Variants in ZNF318 observed in about 807,000 individuals in gnomAD.
ZNF318 encodes the protein zinc finger protein 318, also known as endocrine regulator.
ZNF318 carries 51 observed loss-of-function variants against 124.2 expected under a neutral mutation model. The observed-to-expected ratio is 0.41, with a 90% CI of 0.33 to 0.52. The LOEUF (loss-of-function observed/expected upper bound fraction) is 0.52, where lower values mean the gene tolerates loss of function less well. ZNF318 is among the 20% of genes least tolerant of loss of function. ZNF318 has a pLI of 0.23. For missense variants in ZNF318, 2,815 were observed against 2,811.2 expected (o/e 1.00, Z -0.03); for synonymous variants, 1,090 against 1,040.7 (o/e 1.05, Z -0.91).
chr6:43,337,301 G>C lies in ZNF318; in HGVS notation c.6697C>G (p.Leu2233Val), dbSNP rs750819810. ...GACACTGGAGCTTTAACCAAATTCA[G>C]AGGGTCGCCACTGTCATCATCTACT... ...LQVDDDSGDPLNLVKAPVSRS... is the reference protein window; with the variant it reads ...LQVDDDSGDPVNLVKAPVSRS... The change falls in exon 10 of 10, where the codon CTG becomes GTG. Residue 2233 changes from leucine to valine, a missense_variant. Around this residue, in one of 4 missense-constraint regions of ZNF318, gnomAD observed 927 missense variants for 820.6 expected, o/e 1.13. Transcript: ENST00000361428. 2 of 1,614,120 alleles carry C rather than the reference G, an allele frequency of 1.2e-6. No homozygotes were observed. Among genetic ancestry groups the C allele is most frequent in the Non-Finnish European group, 8.5e-7 (1 of 1,180,008 alleles).
chr6:43,368,781 G>A (rs1779794470), intron 1 of ZNF318, 186 bp downstream of exon 1: 2 of 985,328 alleles, frequency 2.0e-6, no homozygotes, highest in East Asian at 1.1e-4. Flanking sequence ...GTGCGCTCCC[G>A]AGTCCGTTAT....
At chr6:43,345,245 C>A (rs1390579159) in intron 6 of ZNF318, among the ~76,000 whole-genome samples, 1,568 of 121,656 alleles carry the variant, frequency 0.013, no homozygotes, top group Non-Finnish European at 0.014. Context: ...GACCCTGTCT[C>A]AAAAAAAAAA....
rs147972979 is a variant in ZNF318, at chr6:43,337,827, G to A, written c.6171C>T (p.Ser2057=). 135 of 1,614,056 alleles carry A rather than the reference G, an allele frequency of 8.4e-5. No homozygotes were observed. In the South Asian group the frequency reaches 1.1e-3, roughly 13 times the overall value. The change falls in exon 10 of 10, where the codon TCC becomes TCT. Residue 2057 remains serine, a synonymous_variant. Transcript: ENST00000361428. ...GGATTGGTTCGAAGTCAGCGGGATC[G>A]GAGGAATTACACCCTATAGGTGATA... ...NSVSPIGCNS[S]DPADFEPIPS...
At chr6:43,367,061 A>G (rs1779771913) in intron 1 of ZNF318, among the ~76,000 whole-genome samples, 1 of 152,182 alleles carries the variant, frequency 6.6e-6, no homozygotes, top group South Asian at 2.1e-4. Context: ...CGTGTTAGCC[A>G]ACATGGTCTC....
At chr6:43,351,438 A>C (rs959106643) in intron 5 of ZNF318, among the ~76,000 whole-genome samples, 1 of 152,162 alleles carries the variant, frequency 6.6e-6, no homozygotes, top group Admixed American at 6.6e-5. Flanking sequence ...TTAGGAGTAA[A>C]GGAACATCAC....
In ZNF318 at chr6:43,339,967, G is replaced by A. The variant is rs1340577088; in HGVS notation, c.4031C>T (p.Thr1344Ile). Reference sequence around the variant, plus strand: ...CAGGTTGGGTCGGATCTTAGTCTGTGTGGAAGTTGTCACAACAGGCATCCA... The same window carrying A: ...CAGGTTGGGTCGGATCTTAGTCTGTATGGAAGTTGTCACAACAGGCATCCA... ...SPWMPVVTTS[T>I]QTKIRPNLPI... Residue 1344 changes from threonine (T) to isoleucine (I), a missense_variant, in exon 10 of 10, where the codon ACA becomes ATA. Physicochemically the swap from Thr to Ile is moderately conservative, Grantham distance 89. Coordinates refer to ENST00000361428, the MANE Select transcript of ZNF318 (RefSeq NM_014345.3). This position sits in a 1 kb window ranked among gnomAD's most constrained non-coding sequence, Gnocchi z 4.2. 8.7e-6 allele frequency: 14 copies of A among 1,614,084 alleles called. No homozygotes were observed. Among genetic ancestry groups the A allele is most frequent in the Non-Finnish European group, 1.1e-5 (13 of 1,180,042 alleles).
chr6:43,337,621 G>T lies in ZNF318; in HGVS notation c.6377C>A (p.Ala2126Asp). The part of the protein sequence containing the change: ...GLGGLEGTHQ[A>D]LDLLAGGMMP... The stretch of plus-strand genomic sequence containing the variant: ...CATTCCTCCTGCTAACAGGTCAAGG[G>T]CCTGGTGTGTTCCCTCTAGGCCCCC... Residue 2126 changes from alanine to aspartate, a missense_variant, in exon 10 of 10, where the codon GCC (alanine) becomes GAC (aspartate). By Grantham distance (126) the Ala-to-Asp change is moderately radical. Coordinates refer to ENST00000361428, the MANE Select transcript of ZNF318 (RefSeq NM_014345.3). The T allele has an allele frequency of 6.2e-7, 1 of 1,614,104 alleles. No homozygotes were observed. The highest frequency in any genetic ancestry group is 8.5e-7 in the Non-Finnish European group (1 of 1,180,016).
At chr6:43,353,322 A>G (rs1779559365) in intron 4 of ZNF318, among the ~76,000 whole-genome samples, 1 of 152,096 alleles carries the variant, frequency 6.6e-6, no homozygotes, top group African/African-American at 2.4e-5. Context: ...TAATTGGCTA[A>G]AACTTTTTAA....
intron 4 of ZNF318, 82 bp downstream of exon 4, chr6:43,354,582 T>A: frequency 7.5e-7 from 1 of 1,340,626 alleles, no homozygotes; most frequent in Non-Finnish European, 1.0e-6. Context: ...CCTTACAAAT[T>A]TTCAGCCCCT....
chr6:43,339,895 C>T lies in ZNF318; in HGVS notation c.4103G>A (p.Ser1368Asn). The T allele has an allele frequency of 6.2e-7, 1 of 1,614,154 alleles. No homozygotes were observed. Among genetic ancestry groups the T allele is most frequent in the African/African-American group, 1.3e-5 (1 of 75,038 alleles). The part of the protein sequence containing the change: ...VLRKSCSATM[S>N]KPAPLNTFLS... ...AAAGGTGTTAAGAGGAGCTGGCTTGCTCATTGTGGCTGAACATGACTTGCG... is the reference window on the plus strand; with the variant it reads ...AAAGGTGTTAAGAGGAGCTGGCTTGTTCATTGTGGCTGAACATGACTTGCG... The change falls in exon 10 of 10, where the codon AGC becomes AAC. Residue 1368 changes from serine to asparagine, a missense_variant. Transcript: ENST00000361428. This position sits in a 1 kb window ranked among gnomAD's most constrained non-coding sequence, Gnocchi z 4.2.
At position 43,369,211 on chromosome 6, in the gene ZNF318, G is replaced by T; in HGVS notation, c.155C>A (p.Thr52Asn). 8.2e-7 allele frequency: 1 copy of T among 1,214,008 alleles called. No homozygotes were observed. The highest frequency in any genetic ancestry group is 1.0e-6 in the Non-Finnish European group (1 of 977,720). 75.2% of individuals were successfully genotyped at this position (1,214,008 alleles called of 1,614,324 possible). Residue 52 changes from threonine (T) to asparagine (N), a missense_variant, in exon 1 of 10, where the codon ACC becomes AAC. Coordinates refer to ENST00000361428, the MANE Select transcript of ZNF318 (RefSeq NM_014345.3). ...PPPPSGSSSR[T>N]PARRPRSPSG... Reference sequence around the variant, plus strand: ...GGGCGAGCGGGGTCGGCGAGCCGGGGTCCGCGACGAGGAGCCGGAGGGCGG... The same window carrying T: ...GGGCGAGCGGGGTCGGCGAGCCGGGTTCCGCGACGAGGAGCCGGAGGGCGG...
intron 5 of ZNF318, among the ~76,000 whole-genome samples, chr6:43,350,285 C>T (rs1189265528): frequency 6.6e-6 from 1 of 151,998 alleles, no homozygotes; most frequent in Admixed American, 6.6e-5. Flanking sequence ...AAAGAAAGTA[C>T]TCAAAAACGA....
chr6:43,338,453 T>C lies in ZNF318; in HGVS notation c.5545A>G (p.Ser1849Gly), dbSNP rs1779321323. 1 of 1,614,138 alleles carries C rather than the reference T, an allele frequency of 6.2e-7. No individual in the cohort carries two copies. Among genetic ancestry groups the C allele is most frequent in the Non-Finnish European group, 8.5e-7 (1 of 1,180,056 alleles). Residue 1849 changes from serine to glycine, a missense_variant, in exon 10 of 10, where the codon AGT (serine) becomes GGT (glycine). Transcript: ENST00000361428. The stretch of plus-strand genomic sequence containing the variant: ...GGACTCAATTTGATCACTACTTTAC[T>C]TGGAGTTTCACTTCCTGTCATCAAT... ...NKLMTGSETP[S>G]KVVIKLSPQA... is the part of the protein sequence containing the mutation.
chr6:43,365,236 C>T, intron 2 of ZNF318, 56 bp downstream of exon 2: 1 of 1,556,004 alleles, frequency 6.4e-7, no homozygotes, highest in East Asian at 2.3e-5. Context: ...CGGAAAACAG[C>T]AACATTTCTG....
chr6:43,337,107 TG>T lies in ZNF318; in HGVS notation c.*50del. On this transcript the variant is annotated 3_prime_UTR_variant, in exon 10 of 10. Transcript: ENST00000361428. ...ACTAGTCTTGGATCATCTGGGCATCTGATTTCTAGAAGCCAATGATTCACTC... is the reference window on the plus strand; with the variant it reads ...ACTAGTCTTGGATCATCTGGGCATCTATTTCTAGAAGCCAATGATTCACTC... The T allele has an allele frequency of 6.7e-7, 1 of 1,482,848 alleles. No individual in the cohort carries two copies. The highest frequency in any genetic ancestry group is 9.0e-7 in the Non-Finnish European group (1 of 1,111,320). The allele number at this position is 1,482,848 out of a possible 1,614,324, so 91.9% of individuals were successfully genotyped here.
rs1308818429 is a variant in ZNF318, at chr6:43,369,050, AGCCGGCCGG to A, written c.307_315del (p.Pro103_Gly105del). ...GACTCCCCCCGGCTGCTGCCTCTGA[AGCCGGCCGG>A]GCCCGGCGGGAAGAGTCGTCGGCCC... On this transcript the variant is annotated inframe_deletion, in exon 1 of 10. Coordinates refer to ENST00000361428, the MANE Select transcript of ZNF318 (RefSeq NM_014345.3). The A allele has an allele frequency of 5.1e-6, 7 of 1,371,646 alleles. No homozygotes were observed. The highest frequency in any genetic ancestry group is 6.6e-6 in the Non-Finnish European group (7 of 1,058,726). The allele number at this position is 1,371,646 out of a possible 1,614,324, so 85.0% of individuals were successfully genotyped here.
rs777840924 is a variant in ZNF318, at chr6:43,354,897, G to A, written c.2437C>T (p.His813Tyr). The change falls in exon 4 of 10, where the codon CAC becomes TAC. Residue 813 changes from histidine to tyrosine, a missense_variant. Physicochemically the swap from His to Tyr is moderately conservative, Grantham distance 83 (BLOSUM62 2). Around this residue, in one of 4 missense-constraint regions of ZNF318, gnomAD observed 1,377 missense variants for 1,353.5 expected, o/e 1.02. Coordinates refer to ENST00000361428, the MANE Select transcript of ZNF318 (RefSeq NM_014345.3). ...ATCCTGTGTGGTTCAGGTACAGGGT[G>A]GTTTGACGGTTGAGAGGTGGGATAC... is the stretch of plus-strand genomic sequence containing the variant. ...PMYPTSQPSN[H>Y]PVPEPHRIMP... 6.2e-7 allele frequency: 1 copy of A among 1,613,318 alleles called. No homozygotes were observed. Among genetic ancestry groups the A allele is most frequent in the Non-Finnish European group, 8.5e-7 (1 of 1,179,334 alleles).
Position 43,340,431 on chromosome 6 carries a change from G to C in ZNF318, c.3567C>G (p.Val1189=). The C allele has an allele frequency of 6.2e-7, 1 of 1,613,858 alleles. No individual in the cohort carries two copies. Among genetic ancestry groups the C allele is most frequent in the Non-Finnish European group, 8.5e-7 (1 of 1,179,996 alleles). ...TCTGCCGTCGCCGTTCTGTCTCTAG[G>C]ACCACAGCCAAGCCAGCTTGGCGGT... The part of the protein sequence containing the change: ...NLDRQAGLAV[V]LETERRRQSE... The change falls in exon 10 of 10, where the codon GTC becomes GTG. Residue 1189 remains valine, a synonymous_variant. Coordinates refer to ENST00000361428, the MANE Select transcript of ZNF318 (RefSeq NM_014345.3).
Position 43,356,076 on chromosome 6 carries a change from G to A in ZNF318, c.1258C>T (p.Pro420Ser), listed in dbSNP as rs1562134182. The change falls in exon 4 of 10, where the codon CCA becomes TCA. Residue 420 changes from proline (P) to serine (S), a missense_variant. Pro to Ser is a moderately conservative substitution (Grantham distance 74). Coordinates refer to ENST00000361428, the MANE Select transcript of ZNF318 (RefSeq NM_014345.3). ...HPLYSGHPSL[P>S]LSGAIAAFAS... The stretch of plus-strand genomic sequence containing the variant: ...AAAGCAGCAATAGCACCACTTAGTG[G>A]AAGGGATGGGTGCCCAGAGTAGAGA... The A allele has an allele frequency of 6.2e-7, 1 of 1,614,200 alleles. No individual in the cohort carries two copies. The highest frequency in any genetic ancestry group is 1.7e-5 in the Admixed American group (1 of 60,022).
Sources: allele counts gnomAD v4.1 joint callset (sites outside exome capture counted in the v4.1 genomes callset), GRCh38; gene constraint gnomAD v4.1.1; regional missense constraint gnomAD v4.1.1; non-coding constraint Gnocchi (gnomAD v3.1); transcripts MANE v1.5; gene names NCBI Gene and HGNC (gene_info 2026-07-23, HGNC 2026-07-21).